The following KANSL1 variants were observed in gnomAD, a reference collection of about 807,000 sequenced individuals.
KANSL1 encodes the protein MLL1/MLL complex subunit KANSL1.
KANSL1 carries 22 observed loss-of-function variants against 103.6 expected under a neutral mutation model. The observed-to-expected ratio is 0.21, with a 90% CI of 0.15 to 0.30. KANSL1 has a LOEUF of 0.30. KANSL1 is among the 10% of genes least tolerant of loss of function. KANSL1 has a pLI of 1.00. For missense variants in KANSL1, 1,337 were observed against 1,399.8 expected (o/e 0.96, Z 0.72); for synonymous variants, 600 against 527.6 (o/e 1.14, Z -1.88).
intron 4 of KANSL1, among the ~76,000 whole-genome samples, chr17:46,071,308 A>G (rs62060810): frequency 0.14 from 21,799 of 152,240 alleles, 2,131 homozygotes; most frequent in Non-Finnish European, 0.22. Flanking sequence ...CACAAAAAAG[A>G]AAGCACTGGA....
At chr17:46,175,419 G>C (rs1017847858) in intron 1 of KANSL1, among the ~76,000 whole-genome samples, 1 of 150,802 alleles carries the variant, frequency 6.6e-6, no homozygotes, top group East Asian at 2.0e-4. Flanking sequence ...GCGTGATCTC[G>C]GCTCACTGCA....
intron 2 of KANSL1, 68 bp from the exon 3 acceptor site, chr17:46,094,769 G>C (rs879076188): frequency 6.3e-7 from 1 of 1,587,786 alleles, no homozygotes; most frequent in South Asian, 1.1e-5. Context: ...GGGGGGTGGG[G>C]AGTGGAATTT....
chr17:46,031,768 C>T (rs2077015519), intron 14 of KANSL1, 65 bp from the exon 15 acceptor site: 2 of 1,431,472 alleles, frequency 1.4e-6, no homozygotes, highest in Non-Finnish European at 1.9e-6. Context: ...GCTCCAAGGC[C>T]CTGCCACAAA....
chr17:46,074,545 C>T (rs1568418554), intron 4 of KANSL1, among the ~76,000 whole-genome samples: 1 of 152,030 alleles, frequency 6.6e-6, no homozygotes, highest in Non-Finnish European at 1.5e-5. Flanking sequence ...TACATAGTGT[C>T]TCCCTATAAG....
chr17:46,125,031 G>A (rs968932858), intron 2 of KANSL1, among the ~76,000 whole-genome samples: 2 of 96,144 alleles, frequency 2.1e-5, no homozygotes, highest in African/African-American at 7.1e-5. Flanking sequence ...AGGGAGGGGA[G>A]GTAGGGAGGG....
At chr17:46,150,021 C>CA (rs1194464318) in intron 2 of KANSL1, among the ~76,000 whole-genome samples, 3 of 64,222 alleles carry the variant, frequency 4.7e-5, no homozygotes, top group Non-Finnish European at 9.7e-5. Context: ...GACTCCATCT[C>CA]AAAAATAAAT....
At chr17:46,120,078 G>GA (rs2043214353) in intron 2 of KANSL1, 1 of 152,220 alleles carries the variant, frequency 6.6e-6, no homozygotes, top group Non-Finnish European at 1.5e-5. Flanking sequence ...GGGTGGAAAG[G>GA]AAAAAACTTA....
At chr17:46,147,290 C>T (rs1370170268) in intron 2 of KANSL1, among the ~76,000 whole-genome samples, 1 of 152,116 alleles carries the variant, frequency 6.6e-6, no homozygotes, top group East Asian at 1.9e-4. Context: ...AAAACGTCAA[C>T]CAGACTGGGG....
intron 2 of KANSL1, among the ~76,000 whole-genome samples, chr17:46,142,327 T>C (rs939016261): frequency 2.0e-5 from 3 of 152,212 alleles, no homozygotes; most frequent in African/African-American, 7.2e-5. Context: ...ATAAAAACAT[T>C]ACAACAGCCT....
At chr17:46,172,590 C>G (rs2046341836) in intron 1 of KANSL1, among the ~76,000 whole-genome samples, 1 of 152,128 alleles carries the variant, frequency 6.6e-6, no homozygotes, top group Admixed American at 6.5e-5. Context: ...GGATTTAAAG[C>G]AAGACACATC....
chr17:46,161,724 C>T (rs543135767), intron 2 of KANSL1, among the ~76,000 whole-genome samples: 48 of 152,358 alleles, frequency 3.2e-4, no homozygotes, highest in African/African-American at 1.1e-3. Flanking sequence ...TTTAAATGAA[C>T]TATGACACCT....
chr17:46,211,566 A>C (rs1027741625), intron 1 of KANSL1, among the ~76,000 whole-genome samples: 18 of 152,244 alleles, frequency 1.2e-4, no homozygotes, highest in Non-Finnish European at 5.9e-5. Context: ...TGTAGTTATA[A>C]CTAAAATGCA....
chr17:46,127,983 A>G (rs2043660150), intron 2 of KANSL1, among the ~76,000 whole-genome samples: 1 of 145,334 alleles, frequency 6.9e-6, no homozygotes, highest in Non-Finnish European at 1.6e-5. Context: ...CCCCTTCCCT[A>G]ATTTTTTTTT....
chr17:46,071,553 C>A (rs574897986), intron 4 of KANSL1, among the ~76,000 whole-genome samples: 1 of 152,316 alleles, frequency 6.6e-6, no homozygotes, highest in African/African-American at 2.4e-5. Context: ...CATTTCCTAT[C>A]CTGCAGTCTA....
chr17:46,061,616 G>GTTC (rs1273519034), intron 6 of KANSL1, among the ~76,000 whole-genome samples: 2 of 152,060 alleles, frequency 1.3e-5, no homozygotes, highest in Non-Finnish European at 2.9e-5. Context: ...AGTACTCCAT[G>GTTC]TTCTCCATGA....
chr17:46,049,174 T>C (rs1490939868), intron 7 of KANSL1, among the ~76,000 whole-genome samples: 1 of 151,934 alleles, frequency 6.6e-6, no homozygotes, highest in Non-Finnish European at 1.5e-5. Flanking sequence ...ACCTGGGAGA[T>C]TCTCCTTCAG....
chr17:46,052,464 G>A (rs920305083), intron 6 of KANSL1, among the ~76,000 whole-genome samples: 39 of 151,824 alleles, frequency 2.6e-4, no homozygotes, highest in African/African-American at 9.2e-4. Flanking sequence ...CGTCAGCTGG[G>A]TGTGGTGGTG....
chr17:46,070,302 A>C lies in KANSL1; in HGVS notation c.1534-2635T>G, dbSNP rs184632902. On this transcript the variant is annotated intron_variant, in intron 4 of 14. Transcript: ENST00000432791. ...TATTTCTTCTCTTATGGAAGAAGAG[A>C]TTTCAAGAGAAAAAAATAATAGTTT... Among the ~76,000 whole-genome samples the C allele has an allele frequency of 1.2e-4, 19 of 152,280 alleles. No homozygotes were observed. In the East Asian group the frequency reaches 3.7e-3, roughly 29 times the overall value.
chr17:46,100,775 G>A (rs544152744), intron 2 of KANSL1, among the ~76,000 whole-genome samples: 1 of 152,264 alleles, frequency 6.6e-6, no homozygotes, highest in Non-Finnish European at 1.5e-5. Flanking sequence ...AGTAGAACAG[G>A]GCTGGTGGAT....
Sources: gnomAD v4.1 joint callset for allele counts (sites outside exome capture counted in the v4.1 genomes callset) on GRCh38, gnomAD v4.1.1 for gene constraint, MANE v1.5 for transcripts, NCBI Gene and HGNC (gene_info 2026-07-23, HGNC 2026-07-21) for gene names.